The following MTCL1 variants were observed in gnomAD, a reference collection of about 807,000 sequenced individuals.
The protein encoded by MTCL1 is microtubule crosslinking factor 1.
MTCL1 carries 79 observed loss-of-function variants against 141.4 expected under a neutral mutation model. The ratio of observed to expected loss-of-function variants is 0.56; its 90% CI spans 0.47 to 0.67. MTCL1 has a LOEUF of 0.67. Ranked by LOEUF, MTCL1 falls within the 30% of genes least tolerant of loss-of-function variation. The pLI, the probability that MTCL1 is intolerant of heterozygous loss-of-function variation, is 0.00. For synonymous variants in MTCL1, 914 were observed against 875.8 expected, an observed-to-expected ratio of 1.04 and a Z score of -0.77; for missense variants, 2,177 against 2,113.9, an observed-to-expected ratio of 1.03 and a Z score of -0.59.
At chr18:8,709,301 TC>T (rs1466234724) in intron 1 of MTCL1, among the ~76,000 whole-genome samples, 2 of 152,104 alleles carry the variant, frequency 1.3e-5, no homozygotes, top group Non-Finnish European at 2.9e-5. Context: ...CAAGTGATCT[TC>T]CTGCCTCATC....
In MTCL1 at chr18:8,763,697, A is replaced by T. The variant is rs115398608; in HGVS notation, c.358-14136A>T. Reference sequence around the variant, plus strand: ...TGACAAAAAGTCTTGTCAGTTCCAAAGAGGAGTGTCTGTCCTTTGCTAATT... The same window carrying T: ...TGACAAAAAGTCTTGTCAGTTCCAATGAGGAGTGTCTGTCCTTTGCTAATT... On this transcript the variant is annotated intron_variant, in intron 4 of 16. Transcript: ENST00000359865. Among the ~76,000 whole-genome samples, 157 of 152,358 alleles carry T rather than the reference A, an allele frequency of 1.0e-3. 1 individual carries two copies. The highest frequency in any genetic ancestry group is 3.7e-3 in the African/African-American group (152 of 41,584).
chr18:8,747,327 C>T (rs946602379), intron 4 of MTCL1, among the ~76,000 whole-genome samples: 4 of 152,100 alleles, frequency 2.6e-5, no homozygotes, highest in Admixed American at 1.3e-4. Context: ...AGAGTCTGTT[C>T]CATGCCTGGT....
rs762931429 is a variant in MTCL1, at chr18:8,796,215, C to G, written c.2011-17C>G. On this transcript the variant is annotated splice_polypyrimidine_tract_variant and intron_variant, in intron 8 of 16. Transcript: ENST00000359865. ...GGATTAGCTGCTTGTCACACTGTCTCTCTTATTCCATTCAAGATGGAGGAG... is the reference window on the plus strand; with the variant it reads ...GGATTAGCTGCTTGTCACACTGTCTGTCTTATTCCATTCAAGATGGAGGAG... The G allele has an allele frequency of 3.7e-6, 6 of 1,613,518 alleles. No individual in the cohort carries two copies. Among genetic ancestry groups the G allele is most frequent in the South Asian group, 1.1e-5 (1 of 91,040 alleles).
exon 15 of MTCL1, chr18:8,825,319 C>G (rs1320309201): frequency 6.5e-7 from 1 of 1,538,612 alleles, no homozygotes. Flanking sequence ...TTTGCCTCCC[C>G]ACTGCACAGC....
At chr18:8,706,065 G>A (rs2096057627) in exon 1 of MTCL1, 1 of 1,194,046 alleles carries the variant, frequency 8.4e-7, no homozygotes, top group Non-Finnish European at 1.0e-6. Flanking sequence ...CGGCGCGCGT[G>A]GCGCCCGCGG....
At chr18:8,771,005 G>A (rs1425448378) in intron 4 of MTCL1, among the ~76,000 whole-genome samples, 2 of 152,130 alleles carry the variant, frequency 1.3e-5, no homozygotes, top group Admixed American at 1.3e-4. Flanking sequence ...ATAAAATAAA[G>A]GGATGAGTGA....
intron 5 of MTCL1, 74 bp downstream of exon 4, chr18:8,777,966 A>C: frequency 2.1e-6 from 3 of 1,416,012 alleles, no homozygotes; most frequent in Non-Finnish European, 3.0e-6. Context: ...TTTTTCAGTA[A>C]GTGTTAGCTT....
At chr18:8,821,362 T>C in intron 13 of MTCL1, 105 bp from the exon 13 acceptor site, 1 of 712,286 alleles carries the variant, frequency 1.4e-6, no homozygotes, top group Non-Finnish European at 2.5e-6. Flanking sequence ...ACATTTTAAA[T>C]GGTGGTTTCC....
Position 8,777,897 on chromosome 18 carries a change from G to T in MTCL1, c.417+5G>T. On this transcript the variant is annotated splice_donor_5th_base_variant and intron_variant, in intron 5 of 16. Coordinates refer to ENST00000359865, the Ensembl canonical transcript of MTCL1. Reference sequence around the variant, plus strand: ...GAGAAGAAAACCTTTAACCAGGTAAGCAGAGGTTTTCATTCTAATGTTACA... The same window carrying T: ...GAGAAGAAAACCTTTAACCAGGTAATCAGAGGTTTTCATTCTAATGTTACA... 1 of 1,612,918 alleles carries T rather than the reference G, an allele frequency of 6.2e-7. No individual in the cohort carries two copies.
intron 1 of MTCL1, 139 bp downstream of exon 1, chr18:8,706,852 C>T: frequency 2.9e-6 from 4 of 1,373,802 alleles, no homozygotes; most frequent in Non-Finnish European, 3.8e-6. Flanking sequence ...CCCGCATTGT[C>T]AGGCATTGGC....
At chr18:8,709,957 A>G (rs2096077702) in intron 1 of MTCL1, among the ~76,000 whole-genome samples, 1 of 152,044 alleles carries the variant, frequency 6.6e-6, no homozygotes, top group Admixed American at 6.5e-5. Context: ...CTCCTGCCTC[A>G]GCCTCCGGAG....
At chr18:8,749,386 G>T (rs2096358570) in intron 4 of MTCL1, among the ~76,000 whole-genome samples, 1 of 152,258 alleles carries the variant, frequency 6.6e-6, no homozygotes, top group Non-Finnish European at 1.5e-5. Context: ...GAGAGGCCAG[G>T]CTGGCTGCGG....
At chr18:8,832,529 C>G (rs1195233061) in exon 17 of MTCL1, 1 of 152,356 alleles carries the variant, frequency 6.6e-6, no homozygotes, top group Non-Finnish European at 1.5e-5. Flanking sequence ...GTCTGTTCCA[C>G]TGTAATATGT....
chr18:8,742,216 A>G (rs1014565931), intron 4 of MTCL1, among the ~76,000 whole-genome samples: 4 of 152,158 alleles, frequency 2.6e-5, no homozygotes, highest in African/African-American at 9.7e-5. Context: ...TACAGAGAAT[A>G]ATGTAAGGAT....
Position 8,750,325 on chromosome 18 carries a change from C to T in MTCL1, c.358-27508C>T, listed in dbSNP as rs146357521. On this transcript the variant is annotated intron_variant, in intron 4 of 16. Coordinates refer to ENST00000359865, the Ensembl canonical transcript of MTCL1. ...CCTCCCAGAATGCTGGGATTACAGA[C>T]GTGAGTCTCTGTGCCCGGCCAGTAA... is the stretch of plus-strand genomic sequence containing the variant. 2.7e-4 allele frequency among the ~76,000 whole-genome samples: 41 copies of T among 152,350 alleles called. No homozygotes were observed. In the East Asian group the frequency reaches 3.7e-3, roughly 14 times the overall value.
intron 5 of MTCL1, 148 bp downstream of exon 4, chr18:8,778,040 C>G (rs943777294): frequency 5.0e-6 from 3 of 598,768 alleles, no homozygotes; most frequent in East Asian, 6.0e-5. Flanking sequence ...CTAACCTCCA[C>G]AGTGTGAACA....
At chr18:8,785,052 C>T (rs2143570937) in intron 6 of MTCL1, among the ~76,000 whole-genome samples, 1 of 148,418 alleles carries the variant, frequency 6.7e-6, no homozygotes, top group East Asian at 2.0e-4. Context: ...TCTTGTATTG[C>T]CTTGTTTCTT....
At chr18:8,739,898 A>AT (rs1366933019) in intron 4 of MTCL1, among the ~76,000 whole-genome samples, 2 of 152,066 alleles carry the variant, frequency 1.3e-5, no homozygotes, top group Non-Finnish European at 2.9e-5. Flanking sequence ...CACCCAGCTA[A>AT]TTTTTTGTAT....
At position 8,706,768 on chromosome 18, in the gene MTCL1, C is replaced by A. The variant is rs960385417; in HGVS notation, c.1053+55C>A. ...GGGGCGCCCCCGGAGGGCCTGGCTG[C>A]GGCGGGGACCCGCCAACCCCTCCTT... On this transcript the variant is annotated intron_variant, in intron 1 of 13. Coordinates refer to the MTCL1 transcript ENST00000306329. 4 of 1,535,036 alleles carry A rather than the reference C, an allele frequency of 2.6e-6. No homozygotes were observed. The African/African-American group carries it at 4.1e-5, about 16-fold the overall frequency.
Sources: gnomAD v4.1 joint callset for allele counts (sites outside exome capture counted in the v4.1 genomes callset) on GRCh38, gnomAD v4.1.1 for gene constraint, MANE v1.5 for transcripts, NCBI Gene and HGNC (gene_info 2026-07-23, HGNC 2026-07-21) for gene names.